DGKH: variants seen among roughly 807,000 people sequenced by gnomAD.
The protein encoded by DGKH is diacylglycerol kinase eta.
A neutral mutation model predicts 159.3 loss-of-function variants in DGKH; 90 were observed. That is an observed-to-expected ratio of 0.57 (90% CI 0.48 to 0.67). The LOEUF is 0.67. Ranked by LOEUF, DGKH falls within the 30% of genes least tolerant of loss-of-function variation. The pLI, the probability that DGKH is intolerant of heterozygous loss-of-function variation, is 0.00. For synonymous variants in DGKH, 536 were observed against 553.8 expected, an observed-to-expected ratio of 0.97 and a Z score of 0.45; for missense variants, 1,181 against 1,506.1, an observed-to-expected ratio of 0.78 and a Z score of 3.57.
chr13:42,143,041 A>G (rs1225713120), intron 3 of DGKH, among the ~76,000 whole-genome samples: 3 of 152,138 alleles, frequency 2.0e-5, no homozygotes, highest in Non-Finnish European at 2.9e-5. Flanking sequence ...GTTTGTCATA[A>G]ATAGCTCTTA....
intron 1 of DGKH, among the ~76,000 whole-genome samples, chr13:42,097,973 T>C (rs544877475): frequency 6.6e-6 from 1 of 152,348 alleles, no homozygotes; most frequent in East Asian, 1.9e-4. Flanking sequence ...CTGGTTGTGC[T>C]AAGTCAATTC....
chr13:42,179,401 G>GA (rs1326326804), intron 13 of DGKH, among the ~76,000 whole-genome samples: 2 of 152,168 alleles, frequency 1.3e-5, no homozygotes, highest in African/African-American at 4.8e-5. Flanking sequence ...TTCTTGTAAA[G>GA]GAGAAAATTT....
chr13:42,219,240 CG>C lies in DGKH; in HGVS notation c.3225del (p.Pro1076HisfsTer20). Reference sequence around the variant, plus strand: ...TCTGCTGGTAAATAGCAGCTGGAATCGCCACATGAAGAGCGAGTATCCAATG... The same window carrying C: ...TCTGCTGGTAAATAGCAGCTGGAATCCCACATGAAGAGCGAGTATCCAATG... ...LVGRVPLQLE[S>X]PHEERVSNAL... On this transcript the variant is annotated frameshift_variant, in exon 27 of 30. Coordinates refer to ENST00000337343, the MANE Select transcript of DGKH (RefSeq NM_178009.5). LOFTEE classifies it high-confidence loss of function. The C allele has an allele frequency of 6.2e-7, 1 of 1,613,284 alleles. No homozygotes were observed. Among genetic ancestry groups the C allele is most frequent in the Non-Finnish European group, 8.5e-7 (1 of 1,179,704 alleles).
At chr13:42,249,039 C>T (rs1958601595) in intron 29 of DGKH, among the ~76,000 whole-genome samples, 1 of 152,170 alleles carries the variant, frequency 6.6e-6, no homozygotes, top group South Asian at 2.1e-4. Flanking sequence ...TATGTACATG[C>T]AATATAGCTT....
intron 1 of DGKH, among the ~76,000 whole-genome samples, chr13:42,077,170 A>G (rs911366086): frequency 1.3e-5 from 2 of 152,182 alleles, no homozygotes; most frequent in Admixed American, 6.5e-5. Context: ...ATTCTGTAAC[A>G]TAGCCCCTGA....
At chr13:42,211,118 T>C (rs770692662) in intron 24 of DGKH, among the ~76,000 whole-genome samples, 8 of 152,138 alleles carry the variant, frequency 5.3e-5, no homozygotes, top group Non-Finnish European at 7.4e-5. Context: ...CACATAACAT[T>C]AATTCCAATA....
At chr13:42,159,670 C>T (rs1424773970) in intron 6 of DGKH, among the ~76,000 whole-genome samples, 2 of 152,076 alleles carry the variant, frequency 1.3e-5, no homozygotes, top group Non-Finnish European at 2.9e-5. Context: ...ACTCTTCAGA[C>T]ATTGGGGTTG....
intron 1 of DGKH, among the ~76,000 whole-genome samples, chr13:42,050,203 T>A (rs976154544): frequency 2.0e-5 from 3 of 152,206 alleles, no homozygotes; most frequent in African/African-American, 7.2e-5. Context: ...AAACCCCATG[T>A]CTATTAAAAA....
At chr13:42,250,039 GGGCTCACTGC>G (rs1235091603) in intron 29 of DGKH, among the ~76,000 whole-genome samples, 1 of 150,490 alleles carries the variant, frequency 6.6e-6, no homozygotes, top group Admixed American at 6.6e-5. Context: ...GGCGCGATCT[GGGCTCACTGC>G]AACCTCCGCC....
At chr13:42,068,909 A>G in intron 1 of DGKH, 1 of 1,178,974 alleles carries the variant, frequency 8.5e-7, no homozygotes. Context: ...TAAGAATACA[A>G]AGATAAATGT....
chr13:42,189,869 T>C (rs1272566510), intron 15 of DGKH, among the ~76,000 whole-genome samples: 1 of 152,106 alleles, frequency 6.6e-6, no homozygotes, highest in Admixed American at 6.5e-5. Context: ...GATTTCACCA[T>C]GTTGCCCAGG....
At chr13:42,054,337 A>ATTCCTAAT (rs1399126940) in intron 1 of DGKH, among the ~76,000 whole-genome samples, 3 of 152,242 alleles carry the variant, frequency 2.0e-5, no homozygotes, top group Admixed American at 2.0e-4. Context: ...GAAGAATATT[A>ATTCCTAAT]GGAAATGAGA....
chr13:42,158,861 A>T (rs1266088431), intron 5 of DGKH, among the ~76,000 whole-genome samples: 1 of 152,154 alleles, frequency 6.6e-6, no homozygotes, highest in East Asian at 1.9e-4. Context: ...AGCTTGATGA[A>T]TTTTCACAAA....
Position 42,048,740 on chromosome 13 carries a change from G to A in DGKH, c.-34G>A. On this transcript the variant is annotated 5_prime_UTR_variant, in exon 1 of 30. Transcript: ENST00000337343. The surrounding 1 kb of genome is among the most constrained non-coding windows in gnomAD (Gnocchi z 6.7). ...GCTGACCAACGCCGCCGCCCCCGCCGGGCGGTGCTGTGTCCCCGCAGGAGT... is the reference window on the plus strand; with the variant it reads ...GCTGACCAACGCCGCCGCCCCCGCCAGGCGGTGCTGTGTCCCCGCAGGAGT... 1 of 1,249,138 alleles carries A rather than the reference G, an allele frequency of 8.0e-7. No individual in the cohort carries two copies. The highest frequency in any genetic ancestry group is 1.0e-6 in the Non-Finnish European group (1 of 990,206). The allele number at this position is 1,249,138 out of a possible 1,614,324, so 77.4% of individuals were successfully genotyped here. A position where few individuals can be genotyped will look rare whatever the true frequency, so the allele number is the denominator to read the frequency against.
chr13:42,151,503 G>GTGTGTA, intron 3 of DGKH, among the ~76,000 whole-genome samples: 1 of 83,116 alleles, frequency 1.2e-5, no homozygotes, highest in South Asian at 5.1e-4. Flanking sequence ...GTGTGTGTGT[G>GTGTGTA]TGTATACACA....
At chr13:42,209,600 G>A in intron 23 of DGKH, 135 bp downstream of exon 23, 1 of 1,058,100 alleles carries the variant, frequency 9.5e-7, no homozygotes, top group Non-Finnish European at 1.3e-6. Flanking sequence ...TTTGAAATAT[G>A]AACAAATATT....
At chr13:42,069,556 T>C (rs1378673317) in intron 1 of DGKH, 1 of 1,594,554 alleles carries the variant, frequency 6.3e-7, no homozygotes, top group African/African-American at 1.3e-5. Context: ...TCCAGCCAGT[T>C]GCCGTGATGC....
At chr13:42,105,485 A>G (rs142490939) in intron 1 of DGKH, among the ~76,000 whole-genome samples, 73 of 152,244 alleles carry the variant, frequency 4.8e-4, no homozygotes, top group African/African-American at 1.7e-3. Context: ...CTAAAATTGT[A>G]TGTTTGATTT....
intron 3 of DGKH, among the ~76,000 whole-genome samples, chr13:42,131,354 G>C (rs1327240824): frequency 6.6e-6 from 1 of 152,224 alleles, no homozygotes; most frequent in Non-Finnish European, 1.5e-5. Flanking sequence ...TCAGGAGAGA[G>C]AGGGAATGAC....
Sources: allele counts gnomAD v4.1 joint callset (sites outside exome capture counted in the v4.1 genomes callset), GRCh38; gene constraint gnomAD v4.1.1; non-coding constraint Gnocchi (gnomAD v3.1); transcripts MANE v1.5; gene names NCBI Gene and HGNC (gene_info 2026-07-23, HGNC 2026-07-21).